The following SPATS2L variants were observed in gnomAD, a reference collection of about 807,000 sequenced individuals.
The protein encoded by SPATS2L is SPATS2-like protein.
A neutral mutation model predicts 59.6 loss-of-function variants in SPATS2L; 30 were observed. The observed-to-expected ratio is 0.50, with a 90% CI of 0.38 to 0.68. The LOEUF (loss-of-function observed/expected upper bound fraction) is 0.68, where lower values mean the gene tolerates loss of function less well. Ranked by LOEUF, SPATS2L falls within the 30% of genes least tolerant of loss-of-function variation. The pLI, the probability that SPATS2L is intolerant of heterozygous loss-of-function variation, is 0.00. For synonymous variants in SPATS2L, 252 were observed against 263.5 expected, an observed-to-expected ratio of 0.96 and a Z score of 0.42; for missense variants, 615 against 700.0, an observed-to-expected ratio of 0.88 and a Z score of 1.37.
intron 6 of SPATS2L, among the ~76,000 whole-genome samples, chr2:200,419,848 T>C (rs917326178): frequency 2.6e-5 from 4 of 151,908 alleles, no homozygotes; most frequent in Non-Finnish European, 4.4e-5. Flanking sequence ...AGTGCTGGGA[T>C]TACAGACATG....
intron 3 of SPATS2L, 103 bp from the exon 4 acceptor site, chr2:200,412,208 A>C: frequency 3.0e-6 from 2 of 662,456 alleles, no homozygotes; most frequent in Admixed American, 3.4e-5. Context: ...TTGGCTTTTC[A>C]AGGCCTTTCT....
At chr2:200,371,330 C>T (rs1164971179) in intron 2 of SPATS2L, among the ~76,000 whole-genome samples, 2 of 152,114 alleles carry the variant, frequency 1.3e-5, no homozygotes, top group Non-Finnish European at 2.9e-5. Flanking sequence ...GGAAAGCATA[C>T]GTAAGATGAA....
intron 3 of SPATS2L, among the ~76,000 whole-genome samples, chr2:200,398,494 A>G (rs1224946878): frequency 6.6e-6 from 1 of 152,214 alleles, no homozygotes; most frequent in Non-Finnish European, 1.5e-5. Flanking sequence ...CTCAACTTCT[A>G]GGGTGAACAA....
At chr2:200,322,128 T>TGA (rs1387989731) in intron 1 of SPATS2L, among the ~76,000 whole-genome samples, 2 of 152,190 alleles carry the variant, frequency 1.3e-5, no homozygotes, top group Non-Finnish European at 2.9e-5. Flanking sequence ...TGCGTGTGTG[T>TGA]ATTCTTATAT....
At chr2:200,414,896 G>A (rs1304532965) in intron 4 of SPATS2L, among the ~76,000 whole-genome samples, 1 of 152,168 alleles carries the variant, frequency 6.6e-6, no homozygotes, top group Non-Finnish European at 1.5e-5. Flanking sequence ...AGGACTAATT[G>A]AATATGGCAG....
intron 3 of SPATS2L, among the ~76,000 whole-genome samples, chr2:200,400,168 A>ATT (rs11380146): frequency 3.9e-5 from 6 of 151,936 alleles, no homozygotes; most frequent in African/African-American, 9.7e-5. Flanking sequence ...TGAAGATAAC[A>ATT]TTTTTTTGTC....
In SPATS2L at chr2:200,439,326, G is replaced by T; in HGVS notation, c.650G>T (p.Arg217Ile). The T allele has an allele frequency of 1.2e-6, 2 of 1,610,564 alleles. No individual in the cohort carries two copies. Among genetic ancestry groups the T allele is most frequent in the South Asian group, 1.1e-5 (1 of 90,958 alleles). The change falls in exon 7 of 13, where the codon AGA (arginine) becomes ATA (isoleucine). Residue 217 changes from arginine to isoleucine, a missense_variant and splice_region_variant. By Grantham distance (97) the Arg-to-Ile change is moderately conservative (BLOSUM62 -3). Around this residue, in one of 3 missense-constraint regions of SPATS2L, gnomAD observed 227 missense variants for 257.4 expected, o/e 0.88. Transcript: ENST00000409140. Reference protein sequence around the residue: ...EIKPDELAKKRGPNIEKSVKD... With the variant: ...EIKPDELAKKIGPNIEKSVKD... ...AAGCCAGATGAGTTGGCAAAGAAAA[G>T]AGGTAAAGTGATTTCTTTTGCACAA...
chr2:200,373,718 G>A (rs1295798974), intron 2 of SPATS2L, among the ~76,000 whole-genome samples: 4 of 152,024 alleles, frequency 2.6e-5, no homozygotes, highest in South Asian at 4.1e-4. Flanking sequence ...AGTGTAACTC[G>A]CCTATATAAT....
chr2:200,351,227 A>G (rs1392438662), intron 2 of SPATS2L: 1 of 471,114 alleles, frequency 2.1e-6, no homozygotes, highest in East Asian at 6.9e-5. Context: ...AGGGAGTGCC[A>G]AACATCTCAG....
intron 6 of SPATS2L, among the ~76,000 whole-genome samples, chr2:200,428,067 CA>C (rs200335139): frequency 5.4e-5 from 6 of 111,380 alleles, no homozygotes; most frequent in Non-Finnish European, 7.7e-5. Flanking sequence ...GACCGTGTCT[CA>C]AAAACAAAAA....
At chr2:200,352,284 T>C (rs1217241872) in intron 2 of SPATS2L, among the ~76,000 whole-genome samples, 1 of 136,730 alleles carries the variant, frequency 7.3e-6, no homozygotes. Context: ...CAAAATATTT[T>C]GGTTTTGAGG....
At chr2:200,335,588 A>G (rs2080116485) in intron 2 of SPATS2L, among the ~76,000 whole-genome samples, 1 of 152,318 alleles carries the variant, frequency 6.6e-6, no homozygotes, top group Non-Finnish European at 1.5e-5. Context: ...TAAAGTAACT[A>G]TCTCTTTGGC....
chr2:200,428,581 T>C (rs1476810306), intron 6 of SPATS2L, among the ~76,000 whole-genome samples: 1 of 152,338 alleles, frequency 6.6e-6, no homozygotes, highest in Non-Finnish European at 1.5e-5. Context: ...GTAAGATGAC[T>C]CACAAACTCA....
chr2:200,315,872 A>AAG (rs2079356633), intron 1 of SPATS2L, among the ~76,000 whole-genome samples: 1 of 150,570 alleles, frequency 6.6e-6, no homozygotes, highest in South Asian at 2.1e-4. Flanking sequence ...AAAAAAAAAA[A>AAG]AAAAGAGCCT....
chr2:200,472,739 C>A, intron 11 of SPATS2L, 93 bp from the exon 12 acceptor site: 1 of 1,087,988 alleles, frequency 9.2e-7, no homozygotes, highest in South Asian at 1.4e-5. Context: ...GAGCTCCTGG[C>A]CAGTTTCTTC....
At chr2:200,437,889 T>C (rs2084409724) in intron 6 of SPATS2L, among the ~76,000 whole-genome samples, 1 of 152,216 alleles carries the variant, frequency 6.6e-6, no homozygotes, top group African/African-American at 2.4e-5. Context: ...TTCATTGTTT[T>C]TTATTTTTTT....
intron 9 of SPATS2L, among the ~76,000 whole-genome samples, chr2:200,464,593 G>C (rs1403575983): frequency 6.6e-6 from 1 of 152,110 alleles, no homozygotes; most frequent in African/African-American, 2.4e-5. Flanking sequence ...AGGGCCTAAT[G>C]ACCCCTTTAC....
chr2:200,463,635 C>T (rs900095732), intron 9 of SPATS2L, among the ~76,000 whole-genome samples: 1 of 152,118 alleles, frequency 6.6e-6, no homozygotes, highest in African/African-American at 2.4e-5. Flanking sequence ...AAGAAGAAAC[C>T]AAGTGTGTTG....
At chr2:200,352,926 T>C (rs2080791199) in intron 2 of SPATS2L, among the ~76,000 whole-genome samples, 2 of 152,262 alleles carry the variant, frequency 1.3e-5, no homozygotes, top group Admixed American at 6.5e-5. Context: ...CAGTGAACTT[T>C]CTAGTGTTCT....
Sources: allele counts gnomAD v4.1 joint callset (sites outside exome capture counted in the v4.1 genomes callset), GRCh38; gene constraint gnomAD v4.1.1; regional missense constraint gnomAD v4.1.1; transcripts MANE v1.5; gene names NCBI Gene and HGNC (gene_info 2026-07-23, HGNC 2026-07-21).